PTPRM: variants seen among roughly 807,000 people sequenced by gnomAD.
PTPRM encodes receptor-type tyrosine-protein phosphatase mu.
A neutral mutation model predicts 186.7 loss-of-function variants in PTPRM; 47 were observed. The observed-to-expected ratio is 0.25, with a 90% CI of 0.20 to 0.32. PTPRM has a LOEUF of 0.32. PTPRM is among the 10% of genes least tolerant of loss of function. PTPRM has a pLI of 1.00. For synonymous variants in PTPRM, 668 were observed against 674.9 expected, an observed-to-expected ratio of 0.99 and a Z score of 0.16; for missense variants, 1,494 against 1,865.0, an observed-to-expected ratio of 0.80 and a Z score of 3.66.
chr18:8,100,691 A>T (rs1354812245), intron 11 of PTPRM, among the ~76,000 whole-genome samples: 3 of 152,222 alleles, frequency 2.0e-5, no homozygotes, highest in Non-Finnish European at 4.4e-5. Flanking sequence ...ATTCGCATCA[A>T]GTATACTACT....
chr18:7,655,732 A>G (rs2038831291), intron 1 of PTPRM, among the ~76,000 whole-genome samples: 1 of 152,208 alleles, frequency 6.6e-6, no homozygotes, highest in Non-Finnish European at 1.5e-5. Context: ...TCAAGCCCCC[A>G]AAAGACATTG....
intron 1 of PTPRM, among the ~76,000 whole-genome samples, chr18:7,716,714 A>G (rs924707820): frequency 2.6e-5 from 4 of 152,228 alleles, no homozygotes; most frequent in African/African-American, 7.2e-5. Flanking sequence ...GATGCAACCA[A>G]TAAACATGAA....
At chr18:7,979,158 T>A (rs1054972526) in intron 7 of PTPRM, among the ~76,000 whole-genome samples, 7 of 152,140 alleles carry the variant, frequency 4.6e-5, no homozygotes, top group Non-Finnish European at 8.8e-5. Flanking sequence ...TCCAGCCAAC[T>A]GAGGAAATCA....
At chr18:7,772,399 C>CTTTCTTTCTTTCTT (rs1568108731) in intron 1 of PTPRM, among the ~76,000 whole-genome samples, 2 of 94,606 alleles carry the variant, frequency 2.1e-5, no homozygotes. Context: ...TTCTTTCTTT[C>CTTTCTTTCTTTCTT]TTTCTTTCTT....
intron 14 of PTPRM, among the ~76,000 whole-genome samples, chr18:8,203,458 A>C (rs995202955): frequency 6.6e-6 from 1 of 152,242 alleles, no homozygotes; most frequent in East Asian, 1.9e-4. Context: ...TTAAAGAAAC[A>C]TGATGACTTA....
chr18:7,683,363 G>A (rs915631996), intron 1 of PTPRM, among the ~76,000 whole-genome samples: 1 of 152,040 alleles, frequency 6.6e-6, no homozygotes, highest in Non-Finnish European at 1.5e-5. Flanking sequence ...TATAGAGACA[G>A]GGCCTTGCTT....
At position 8,406,055 on chromosome 18, in the gene PTPRM, T is replaced by C. The variant is rs1017197475; in HGVS notation, c.4345-54T>C. 29 of 1,515,476 alleles carry C rather than the reference T, an allele frequency of 1.9e-5. No homozygotes were observed. In the South Asian group the frequency reaches 2.2e-4, roughly 12 times the overall value. 93.9% of individuals were successfully genotyped at this position (1,515,476 alleles called of 1,614,324 possible). On this transcript the variant is annotated intron_variant, in intron 32 of 32. Transcript: ENST00000580170. ...CCCTACTCTATGGTAATTGCTTTAC[T>C]AGGAACAGCGTTGAGATATTCTTGA...
At chr18:7,856,953 C>A (rs2047126378) in intron 2 of PTPRM, among the ~76,000 whole-genome samples, 1 of 152,184 alleles carries the variant, frequency 6.6e-6, no homozygotes, top group Non-Finnish European at 1.5e-5. Flanking sequence ...TATCTCCTGG[C>A]TGATGTCTCT....
intron 31 of PTPRM, among the ~76,000 whole-genome samples, chr18:8,389,570 T>A (rs957425673): frequency 6.6e-6 from 1 of 152,080 alleles, no homozygotes; most frequent in East Asian, 1.9e-4. Context: ...TTTGGAATAC[T>A]CCCCCCTCCC....
At chr18:8,103,960 GA>G (rs1389044307) in intron 11 of PTPRM, among the ~76,000 whole-genome samples, 1 of 151,948 alleles carries the variant, frequency 6.6e-6, no homozygotes, top group African/African-American at 2.4e-5. Context: ...GTGTCTTAGG[GA>G]GTAGGGAGGC....
At chr18:7,908,661 T>C (rs935187120) in intron 4 of PTPRM, among the ~76,000 whole-genome samples, 2 of 152,246 alleles carry the variant, frequency 1.3e-5, no homozygotes, top group Non-Finnish European at 2.9e-5. Context: ...TACTTTTGTG[T>C]CATGTTACAT....
At chr18:7,632,450 T>C (rs1410268026) in intron 1 of PTPRM, among the ~76,000 whole-genome samples, 1 of 152,216 alleles carries the variant, frequency 6.6e-6, no homozygotes, top group Admixed American at 6.5e-5. Flanking sequence ...TTTGCTTCAT[T>C]GCTAAGATTT....
At chr18:7,793,058 T>C (rs936174978) in intron 2 of PTPRM, among the ~76,000 whole-genome samples, 1 of 152,212 alleles carries the variant, frequency 6.6e-6, no homozygotes, top group Non-Finnish European at 1.5e-5. Context: ...TGTCCCACAA[T>C]TAAAAGCTGG....
At position 7,707,317 on chromosome 18, in the gene PTPRM, G is replaced by A. The variant is rs149074043; in HGVS notation, c.74-66832G>A. Among the ~76,000 whole-genome samples the A allele has an allele frequency of 8.1e-3, 1,233 of 152,126 alleles. 23 individuals are homozygous for A. Among genetic ancestry groups the A allele is most frequent in the African/African-American group, 0.029 (1,183 of 41,500 alleles). On this transcript the variant is annotated intron_variant, in intron 1 of 32. Coordinates refer to ENST00000580170, the MANE Select transcript of PTPRM (RefSeq NM_001105244.2). ...TAAACAAAATATAAATTGACATACC[G>A]TGCCAGGTATCTAAAAATACTCTGT...
chr18:7,791,113 C>T (rs1233413390), intron 2 of PTPRM, among the ~76,000 whole-genome samples: 1 of 152,114 alleles, frequency 6.6e-6, no homozygotes, highest in African/African-American at 2.4e-5. Context: ...TCATGTAAGA[C>T]ATTTTTACTT....
At chr18:7,709,041 C>T (rs2040156792) in intron 1 of PTPRM, among the ~76,000 whole-genome samples, 1 of 152,116 alleles carries the variant, frequency 6.6e-6, no homozygotes, top group Non-Finnish European at 1.5e-5. Context: ...AAAGCACACT[C>T]CTGCTGCTGC....
intron 7 of PTPRM, among the ~76,000 whole-genome samples, chr18:8,053,871 T>C (rs765061999): frequency 6.6e-6 from 1 of 152,128 alleles, no homozygotes; most frequent in Non-Finnish European, 1.5e-5. Context: ...GTAAGATTTA[T>C]TCCTGGGCTC....
At chr18:7,884,220 G>A (rs577439707) in intron 2 of PTPRM, among the ~76,000 whole-genome samples, 9 of 152,282 alleles carry the variant, frequency 5.9e-5, no homozygotes, top group Non-Finnish European at 1.0e-4. Flanking sequence ...CATAATGAAA[G>A]TCAGGAGCAT....
chr18:7,656,771 C>T (rs1390565536), intron 1 of PTPRM, among the ~76,000 whole-genome samples: 1 of 152,088 alleles, frequency 6.6e-6, no homozygotes, highest in East Asian at 1.9e-4. Context: ...ATTGTTTTCC[C>T]TATTCATGGT....
Sources: allele counts gnomAD v4.1 joint callset (sites outside exome capture counted in the v4.1 genomes callset), GRCh38; gene constraint gnomAD v4.1.1; transcripts MANE v1.5; gene names NCBI Gene and HGNC (gene_info 2026-07-23, HGNC 2026-07-21).